HJURP: variants seen among roughly 807,000 people sequenced by gnomAD.
HJURP encodes 14-3-3-associated AKT substrate.
In HJURP, 49 loss-of-function variants were observed where a neutral mutation model predicts 72.0. The ratio of observed to expected loss-of-function variants is 0.68; its 90% CI spans 0.54 to 0.86. HJURP has a LOEUF of 0.86. HJURP is among the 40% of genes least tolerant of loss of function. The pLI is 0.00. For missense variants in HJURP, 908 were observed against 936.3 expected (o/e 0.97, Z 0.39); for synonymous variants, 357 against 347.1 (o/e 1.03, Z -0.32).
intron 8 of HJURP, among the ~76,000 whole-genome samples, chr2:233,839,643 C>T (rs187525886): frequency 7.0e-4 from 107 of 152,284 alleles, no homozygotes; most frequent in Non-Finnish European, 1.2e-3. Context: ...CTGAGCTGGA[C>T]GCACGGCAGG....
rs1323968662 is a variant in HJURP, at chr2:233,847,409, A to G, written c.390T>C (p.Ala130=). The G allele has an allele frequency of 1.2e-6, 2 of 1,613,974 alleles. No individual in the cohort carries two copies. Among genetic ancestry groups the G allele is most frequent in the Admixed American group, 3.3e-5 (2 of 60,030 alleles). The change falls in exon 5 of 9, where the codon GCT becomes GCC. Residue 130 remains alanine (A), a synonymous_variant. Transcript: ENST00000411486. ...DATSDQEESV[A]WALAPAVPQS... Reference sequence around the variant, plus strand: ...AGGCAGCACTTACTGCTAAGGCCCAAGCAACTGACTCTTCCTGGTCTGACG... The same window carrying G: ...AGGCAGCACTTACTGCTAAGGCCCAGGCAACTGACTCTTCCTGGTCTGACG...
Position 233,853,895 on chromosome 2 carries a change from C to T in HJURP, c.133G>A (p.Glu45Lys). The T allele has an allele frequency of 6.2e-7, 1 of 1,614,076 alleles. No individual in the cohort carries two copies. The highest frequency in any genetic ancestry group is 8.5e-7 in the Non-Finnish European group (1 of 1,179,960). ...GCCATTTGCACCACCGGGGTGTCCT[C>T]GAAGGGCTGGTTGTACTGCGGAGGA... ...RLIEKYNQPF[E>K]DTPVVQMATL... Residue 45 changes from glutamate to lysine, a missense_variant, in exon 2 of 9, where the codon GAG (glutamate) becomes AAG (lysine). By Grantham distance (56) the Glu-to-Lys change is moderately conservative. Around this residue, in one of 3 missense-constraint regions of HJURP, gnomAD observed 299 missense variants for 286.7 expected, o/e 1.04. Transcript: ENST00000411486.
intron 7 of HJURP, among the ~76,000 whole-genome samples, chr2:233,843,729 C>T (rs538874986): frequency 2.0e-5 from 3 of 152,302 alleles, no homozygotes; most frequent in African/African-American, 7.2e-5. Flanking sequence ...ATGGGTAGAA[C>T]AGTACCGCAT....
chr2:233,850,813 AC>A (rs1204132658), intron 3 of HJURP, among the ~76,000 whole-genome samples: 1 of 152,180 alleles, frequency 6.6e-6, no homozygotes, highest in African/African-American at 2.4e-5. Context: ...ATCTACACCA[AC>A]CCCAAACTAT....
intron 4 of HJURP, 40 bp from the exon 5 acceptor site, chr2:233,847,501 GA>G: frequency 6.5e-7 from 1 of 1,547,332 alleles, no homozygotes; most frequent in Non-Finnish European, 8.9e-7. Flanking sequence ...GGATTTTCAG[GA>G]AGGAGTGCAT....
Position 233,846,644 on chromosome 2 carries a change from C to T in HJURP, c.402+753G>A, listed in dbSNP as rs1399419501. ...AATCCCTACACAATCTCTCAGTGAGCATCCACTTTCTTCCCCAGGACCACG... is the reference window on the plus strand; with the variant it reads ...AATCCCTACACAATCTCTCAGTGAGTATCCACTTTCTTCCCCAGGACCACG... On this transcript the variant is annotated intron_variant, in intron 5 of 8. Transcript: ENST00000411486. The surrounding 1 kb of genome is among the most constrained non-coding windows in gnomAD (Gnocchi z 4.3). Among the ~76,000 whole-genome samples the T allele has an allele frequency of 2.0e-5, 3 of 152,206 alleles. No individual in the cohort carries two copies. Among genetic ancestry groups the T allele is most frequent in the Non-Finnish European group, 4.4e-5 (3 of 68,044 alleles).
intron 3 of HJURP, 73 bp downstream of exon 3, chr2:233,852,492 T>A (rs1705518302): frequency 8.0e-6 from 9 of 1,127,738 alleles, no homozygotes; most frequent in Non-Finnish European, 1.2e-5. Context: ...AGGTTGGGCA[T>A]ACCCACACCT....
At chr2:233,849,286 CG>C (rs1705441540) in intron 4 of HJURP, among the ~76,000 whole-genome samples, 1 of 152,038 alleles carries the variant, frequency 6.6e-6, no homozygotes, top group Non-Finnish European at 1.5e-5. Flanking sequence ...TAAATACCGA[CG>C]GATGGATCCA....
rs368958261 is a variant in HJURP, at chr2:233,841,053, C to T, written c.1727G>A (p.Arg576His). The change falls in exon 8 of 9, where the codon CGT (arginine) becomes CAT (histidine). Residue 576 changes from arginine (R) to histidine (H), a missense_variant. Physicochemically the swap from Arg to His is conservative, Grantham distance 29. This residue lies in a region of HJURP where 598 missense variants were observed against 619.5 expected (regional missense o/e 0.97). Coordinates refer to ENST00000411486, the MANE Select transcript of HJURP (RefSeq NM_018410.5). The part of the protein sequence containing the change: ...DKEVPGHGRN[R>H]YDEIKEEFDK... ...AAATTCTTCTTTAATTTCATCGTAA[C>T]GATTCCTTCCGTGGCCTGGCACTTC... 25 of 1,614,016 alleles carry T rather than the reference C, an allele frequency of 1.5e-5. No homozygotes were observed. The highest frequency in any genetic ancestry group is 9.3e-5 in the African/African-American group (7 of 74,900).
chr2:233,846,764 T>C lies in HJURP; in HGVS notation c.402+633A>G, dbSNP rs1705371728. Among the ~76,000 whole-genome samples the C allele has an allele frequency of 1.3e-5, 2 of 152,184 alleles. No individual in the cohort carries two copies. The highest frequency in any genetic ancestry group is 2.9e-5 in the Non-Finnish European group (2 of 68,038). ...TAGAGGAAAACCATGCATCAGGTAT[T>C]CTGGCAGGCAACAGAGTGTGACACG... On this transcript the variant is annotated intron_variant, in intron 5 of 8. Coordinates refer to ENST00000411486, the MANE Select transcript of HJURP (RefSeq NM_018410.5). This position sits in a 1 kb window ranked among gnomAD's most constrained non-coding sequence, Gnocchi z 4.3.
intron 7 of HJURP, among the ~76,000 whole-genome samples, chr2:233,843,071 T>C (rs1398433287): frequency 6.6e-6 from 1 of 152,190 alleles, no homozygotes; most frequent in African/African-American, 2.4e-5. Flanking sequence ...CTCCATGAAT[T>C]CCTACTGATC....
At chr2:233,849,442 T>C (rs1388140457) in intron 4 of HJURP, among the ~76,000 whole-genome samples, 1 of 151,952 alleles carries the variant, frequency 6.6e-6, no homozygotes, top group African/African-American at 2.4e-5. Flanking sequence ...CCTATAGAAG[T>C]GAGGGTTCAC....
At position 233,840,880 on chromosome 2, in the gene HJURP, G is replaced by A; in HGVS notation, c.1900C>T (p.Gln634Ter). ...GATGATGGCAACTTCTGGAAACCCTGGAAGTGAGGGTCTGGATTTAATTTT... is the reference window on the plus strand; with the variant it reads ...GATGATGGCAACTTCTGGAAACCCTAGAAGTGAGGGTCTGGATTTAATTTT... Reference protein sequence around the residue: ...LGKLNPDPHFQGFQKLPSSPL... With the variant: ...LGKLNPDPHF Residue 634 changes from glutamine (Q) to a stop codon, truncating the protein, a stop_gained, in exon 8 of 9, where the codon CAG (glutamine) becomes TAG (stop). Coordinates refer to ENST00000411486, the MANE Select transcript of HJURP (RefSeq NM_018410.5). LOFTEE classifies it high-confidence loss of function. 6.2e-7 allele frequency: 1 copy of A among 1,614,110 alleles called. No individual in the cohort carries two copies. Among genetic ancestry groups the A allele is most frequent in the Non-Finnish European group, 8.5e-7 (1 of 1,180,024 alleles).
At position 233,846,414 on chromosome 2, in the gene HJURP, C is replaced by T. The variant is rs534933296; in HGVS notation, c.403-594G>A. 2.0e-5 allele frequency among the ~76,000 whole-genome samples: 3 copies of T among 152,126 alleles called. No individual in the cohort carries two copies. The highest frequency in any genetic ancestry group is 2.1e-4 in the South Asian group (1 of 4,808). ...TTGCAGTGAGCTGAGATTGCCCCAC[C>T]GCACTCCAGCCTGGGTGACAGAGTG... On this transcript the variant is annotated intron_variant, in intron 5 of 8. Coordinates refer to ENST00000411486, the MANE Select transcript of HJURP (RefSeq NM_018410.5). This position sits in a 1 kb window ranked among gnomAD's most constrained non-coding sequence, Gnocchi z 4.3.
intron 4 of HJURP, among the ~76,000 whole-genome samples, chr2:233,848,295 C>T (rs1455976459): frequency 1.3e-5 from 2 of 152,126 alleles, no homozygotes; most frequent in East Asian, 3.9e-4. Context: ...GAGTGGGGGT[C>T]TGTTCCAGCC....
At chr2:233,844,404 G>A in intron 6 of HJURP, 121 bp from the exon 7 acceptor site, 1 of 734,776 alleles carries the variant, frequency 1.4e-6, no homozygotes, top group Non-Finnish European at 2.4e-6. Context: ...CGACAAGCGT[G>A]TGAATGTGGT....
In HJURP at chr2:233,844,242, C is replaced by T. The variant is rs147631492; in HGVS notation, c.537G>A (p.Pro179=). The T allele has an allele frequency of 4.2e-3, 6,792 of 1,614,090 alleles. 32 individuals are homozygous for T. The highest frequency in any genetic ancestry group is 6.2e-3 in the South Asian group (569 of 91,074). Residue 179 remains proline, a synonymous_variant, in exon 7 of 9, where the codon CCG becomes CCA. Coordinates refer to ENST00000411486, the MANE Select transcript of HJURP (RefSeq NM_018410.5). ...NRAGRDVRVT[P]LPSLASPAVP... is the part of the protein sequence containing the mutation. ...CGGCAGGTGAGGCCAGTGAAGGCAG[C>T]GGAGTCACACGTACATCCCTTCCAG...
intron 3 of HJURP, among the ~76,000 whole-genome samples, chr2:233,851,132 T>C (rs1705486038): frequency 6.6e-6 from 1 of 152,224 alleles, no homozygotes; most frequent in Non-Finnish European, 1.5e-5. Context: ...CTTAAATAAA[T>C]CTTTAAATGA....
At chr2:233,845,856 T>A (rs1293081430) in intron 5 of HJURP, 36 bp from the exon 6 acceptor site, 3 of 1,426,096 alleles carry the variant, frequency 2.1e-6, no homozygotes, top group South Asian at 2.3e-5. Flanking sequence ...TTTTAAGAGC[T>A]TCTGAGTATA....
Sources: gnomAD v4.1 joint callset for allele counts (sites outside exome capture counted in the v4.1 genomes callset) on GRCh38, gnomAD v4.1.1 for gene constraint, gnomAD v4.1.1 regional missense constraint, Gnocchi (gnomAD v3.1) non-coding constraint, MANE v1.5 for transcripts, NCBI Gene and HGNC (gene_info 2026-07-23, HGNC 2026-07-21) for gene names.